Variants in CDON observed in about 807,000 individuals in gnomAD.
CDON encodes the protein cell adhesion molecule-related/down-regulated by oncogenes.
Under a neutral mutation model 120.9 loss-of-function variants are expected in CDON, and 73 were observed. That is an observed-to-expected ratio of 0.60 (90% CI 0.50 to 0.73). CDON has a LOEUF of 0.73. CDON is among the 30% of genes least tolerant of loss of function. The probability of loss-of-function intolerance (pLI) is 0.00; values close to 1 mark genes in which losing one functional copy is unlikely to be tolerated. For synonymous variants in CDON, 566 were observed against 573.5 expected (o/e 0.99, Z 0.19); for missense variants, 1,470 against 1,587.3 (o/e 0.93, Z 1.26).
At chr11:125,987,404 A>G (rs1051058102) in intron 15 of CDON, among the ~76,000 whole-genome samples, 5 of 152,250 alleles carry the variant, frequency 3.3e-5, no homozygotes, top group African/African-American at 1.2e-4. Flanking sequence ...ATTACTCAAG[A>G]TAAAACCGTC....
chr11:125,967,443 C>G (rs670263), intron 18 of CDON, among the ~76,000 whole-genome samples: 1 of 152,098 alleles, frequency 6.6e-6, no homozygotes, highest in Non-Finnish European at 1.5e-5. Context: ...CTTCTATTAT[C>G]TGTCTGCTTC....
intron 1 of CDON, among the ~76,000 whole-genome samples, chr11:126,035,010 G>A (rs2134783919): frequency 6.6e-6 from 1 of 152,334 alleles, no homozygotes; most frequent in East Asian, 1.9e-4. Context: ...CCCCATATAG[G>A]TGTTAGGTAA....
chr11:126,029,538 T>A (rs1947892422), intron 1 of CDON, among the ~76,000 whole-genome samples: 1 of 141,038 alleles, frequency 7.1e-6, no homozygotes, highest in Non-Finnish European at 1.5e-5. Flanking sequence ...TTCTTACTGC[T>A]TTTCTTGTCC....
intron 7 of CDON, among the ~76,000 whole-genome samples, chr11:126,013,123 T>C (rs926762686): frequency 3.4e-4 from 52 of 152,250 alleles, no homozygotes; most frequent in African/African-American, 1.2e-3. Flanking sequence ...TCATACTGTT[T>C]TTCTCCTTTA....
intron 18 of CDON, among the ~76,000 whole-genome samples, chr11:125,965,691 C>T (rs886664497): frequency 2.6e-5 from 4 of 152,176 alleles, no homozygotes; most frequent in Non-Finnish European, 5.9e-5. Context: ...TTTACAAAGA[C>T]TGCAACTCAA....
At chr11:126,023,363 T>C (rs1947691475) in intron 2 of CDON, 38 bp downstream of exon 2, 8 of 1,299,650 alleles carry the variant, frequency 6.2e-6, no homozygotes, top group Non-Finnish European at 9.0e-6. Context: ...TTAAGATGAG[T>C]AAAGGCCAAA....
intron 1 of CDON, among the ~76,000 whole-genome samples, chr11:126,035,052 G>GCTT (rs1354332131): frequency 2.0e-5 from 3 of 152,180 alleles, no homozygotes; most frequent in Non-Finnish European, 4.4e-5. Context: ...CAGGTCCAGC[G>GCTT]CTTTGCTTAG....
chr11:125,960,838 A>AT lies in CDON; in HGVS notation c.*103dup. On this transcript the variant is annotated 3_prime_UTR_variant, in exon 20 of 20. Transcript: ENST00000531738. ...TACTACTACAAAAAAATAAATAATG[A>AT]TTTTCTCTGATTTGAATTAAGGTCC... 1 of 1,042,392 alleles carries AT rather than the reference A, an allele frequency of 9.6e-7. No individual in the cohort carries two copies. The highest frequency in any genetic ancestry group is 3.0e-4 in the Middle Eastern group (1 of 3,340). The allele number at this position is 1,042,392 out of a possible 1,614,324, so 64.6% of individuals were successfully genotyped here.
At position 125,960,813 on chromosome 11, in the gene CDON, T is replaced by G; in HGVS notation, c.*129A>C. On this transcript the variant is annotated 3_prime_UTR_variant, in exon 20 of 20. Transcript: ENST00000531738. Reference sequence around the variant, plus strand: ...GTTTTAAGATACATTCATATGACATTACTACTACAAAAAAATAAATAATGA... The same window carrying G: ...GTTTTAAGATACATTCATATGACATGACTACTACAAAAAAATAAATAATGA... The G allele has an allele frequency of 2.3e-6, 2 of 861,564 alleles. No homozygotes were observed. Among genetic ancestry groups the G allele is most frequent in the Non-Finnish European group, 4.0e-6 (2 of 506,310 alleles). The allele number at this position is 861,564 out of a possible 1,614,324, so 53.4% of individuals were successfully genotyped here.
intron 1 of CDON, among the ~76,000 whole-genome samples, chr11:126,041,532 T>G (rs181592009): frequency 1.6e-3 from 240 of 152,332 alleles, no homozygotes; most frequent in Admixed American, 5.4e-3. Context: ...TATGAACTTC[T>G]GTATAGTCAA....
intron 18 of CDON, among the ~76,000 whole-genome samples, chr11:125,966,434 C>T (rs1022725195): frequency 6.6e-5 from 10 of 151,982 alleles, no homozygotes; most frequent in East Asian, 3.9e-4. Context: ...TCAGTTCCCA[C>T]GACAAGGGAT....
intron 18 of CDON, among the ~76,000 whole-genome samples, chr11:125,965,128 A>G (rs1218574647): frequency 6.6e-6 from 1 of 151,998 alleles, no homozygotes; most frequent in Non-Finnish European, 1.5e-5. Flanking sequence ...ACGGGGTTTC[A>G]CCGTGTTGCC....
At chr11:126,007,652 A>G (rs530680113) in intron 8 of CDON, among the ~76,000 whole-genome samples, 4 of 152,258 alleles carry the variant, frequency 2.6e-5, no homozygotes, top group African/African-American at 7.2e-5. Flanking sequence ...CCTCATACAG[A>G]AGCATGAGAA....
chr11:126,038,702 A>C (rs984776260), intron 1 of CDON, among the ~76,000 whole-genome samples: 1 of 152,136 alleles, frequency 6.6e-6, no homozygotes, highest in Non-Finnish European at 1.5e-5. Context: ...GAGCATTTCC[A>C]ATTTGAAAAC....
rs769676286 is a variant in CDON, at chr11:125,989,646, C to T, written c.2764G>A (p.Glu922Lys). ...GCAAAAATTCTCCTACCTTTAGTCT[C>T]GCAGATCATCACATTGCTAAATTCA... ...ESEFSNVMIC[E>K]TKVKRVPGAS... The change falls in exon 15 of 20, where the codon GAG (glutamate) becomes AAG (lysine). Residue 922 changes from glutamate (E) to lysine (K), a missense_variant. Transcript: ENST00000531738. The T allele has an allele frequency of 6.2e-6, 10 of 1,613,042 alleles. No homozygotes were observed. Among genetic ancestry groups the T allele is most frequent in the South Asian group, 2.2e-5 (2 of 91,046 alleles).
intron 1 of CDON, among the ~76,000 whole-genome samples, chr11:126,023,951 C>G (rs1223597416): frequency 2.6e-5 from 4 of 152,202 alleles, no homozygotes; most frequent in Non-Finnish European, 5.9e-5. Context: ...GTGCCAGACA[C>G]CATTTCAGTG....
At chr11:126,045,268 C>T (rs1400286534) in intron 1 of CDON, among the ~76,000 whole-genome samples, 1 of 152,116 alleles carries the variant, frequency 6.6e-6, no homozygotes, top group East Asian at 1.9e-4. Flanking sequence ...CCTCGTGATC[C>T]GGCTGCCTCA....
In CDON at chr11:126,010,698, T is replaced by C; in HGVS notation, c.1199-4A>G. On this transcript the variant is annotated splice_polypyrimidine_tract_variant and splice_region_variant and intron_variant, in intron 7 of 19. Coordinates refer to ENST00000531738, the MANE Select transcript of CDON (RefSeq NM_001378964.1). ...ATAACTGGCTTGAATCCACCGTCTA[T>C]TAAAAAAGTAATTCACATATGAAAA... The C allele has an allele frequency of 5.6e-6, 9 of 1,611,208 alleles. No individual in the cohort carries two copies. The highest frequency in any genetic ancestry group is 7.6e-6 in the Non-Finnish European group (9 of 1,177,484).
intron 18 of CDON, among the ~76,000 whole-genome samples, chr11:125,966,490 C>T (rs1336257908): frequency 5.3e-5 from 8 of 151,902 alleles, no homozygotes; most frequent in Non-Finnish European, 7.4e-5. Flanking sequence ...CACCGTATGG[C>T]GAAAAACTCT....
Sources: allele counts gnomAD v4.1 joint callset (sites outside exome capture counted in the v4.1 genomes callset), GRCh38; gene constraint gnomAD v4.1.1; transcripts MANE v1.5; gene names NCBI Gene and HGNC (gene_info 2026-07-23, HGNC 2026-07-21).